The following MEGF6 variants were observed in gnomAD, a reference collection of about 807,000 sequenced individuals.
MEGF6 encodes multiple EGF like domains 6.
MEGF6 carries 184 observed loss-of-function variants against 207.1 expected under a neutral mutation model. The ratio of observed to expected loss-of-function variants is 0.89; its 90% CI spans 0.79 to 1.00. MEGF6 has a LOEUF of 1.00. Among genes scored for constraint, MEGF6 ranks in the 50% least tolerant of loss-of-function variants. The pLI is 0.00. For missense variants in MEGF6, 2,282 were observed against 2,202.9 expected (o/e 1.04, Z -0.72); for synonymous variants, 1,038 against 910.0 (o/e 1.14, Z -2.53).
chr1:3,610,878 C>T (rs567381544), intron 1 of MEGF6, among the ~76,000 whole-genome samples: 1 of 152,084 alleles, frequency 6.6e-6, no homozygotes, highest in East Asian at 1.9e-4. Flanking sequence ...TCTGCCTGAG[C>T]CTGCAGGACC....
chr1:3,500,883 C>T (rs1640830314), intron 20 of MEGF6, 83 bp downstream of exon 20: 5 of 1,601,470 alleles, frequency 3.1e-6, no homozygotes, highest in Non-Finnish European at 2.6e-6. Flanking sequence ...GCCCCTAGTC[C>T]TCGGGGGCCC....
Position 3,568,922 on chromosome 1 carries a change from C to T in MEGF6, c.481+10903G>A, listed in dbSNP as rs565539819. Among the ~76,000 whole-genome samples the T allele has an allele frequency of 3.5e-4, 54 of 152,324 alleles. 1 individual carries two copies. The highest frequency in any genetic ancestry group is 7.1e-4 in the Non-Finnish European group (48 of 68,030). On this transcript the variant is annotated intron_variant, in intron 4 of 36. Coordinates refer to ENST00000356575, the MANE Select transcript of MEGF6 (RefSeq NM_001409.4). ...CATGCAGCTTGGCCTAGCCTCTCTA[C>T]CCAGAAAAGAACATGCCAAACCCTC...
upstream of MEGF6, among the ~76,000 whole-genome samples, chr1:3,615,866 G>GA (rs2101928749): frequency 6.6e-6 from 1 of 152,356 alleles, no homozygotes; most frequent in Non-Finnish European, 1.5e-5. Context: ...GTTACACGCA[G>GA]AACTGGGCTT....
At chr1:3,543,691 G>C (rs1160121394) in intron 4 of MEGF6, among the ~76,000 whole-genome samples, 1 of 152,236 alleles carries the variant, frequency 6.6e-6, no homozygotes, top group African/African-American at 2.4e-5. Context: ...CTGGCCCCGG[G>C]TCATCCGGTC....
chr1:3,555,336 G>C lies in MEGF6; in HGVS notation c.481+24489C>G, dbSNP rs375215182. Among the ~76,000 whole-genome samples, 5 of 152,330 alleles carry C rather than the reference G, an allele frequency of 3.3e-5. No homozygotes were observed. In the East Asian group the frequency reaches 9.7e-4, roughly 30 times the overall value. ...GCCAGGTGCCCAAAGGCAGGGCAGA[G>C]GCCCTGAGGGCCAGGTTCCAGGCTG... is the stretch of plus-strand genomic sequence containing the variant. On this transcript the variant is annotated intron_variant, in intron 4 of 36. Coordinates refer to ENST00000356575, the MANE Select transcript of MEGF6 (RefSeq NM_001409.4).
At position 3,547,916 on chromosome 1, in the gene MEGF6, C is replaced by A. The variant is rs1181842126; in HGVS notation, c.482-23670G>T. On this transcript the variant is annotated intron_variant, in intron 4 of 36. Transcript: ENST00000356575. ...AGGAGCATCGAGGGAAGAAGGGAATCAAGTGACCTGCCTTGAGAAGGTGTG... is the reference window on the plus strand; with the variant it reads ...AGGAGCATCGAGGGAAGAAGGGAATAAAGTGACCTGCCTTGAGAAGGTGTG... Among the ~76,000 whole-genome samples the A allele has an allele frequency of 3.3e-5, 5 of 152,218 alleles. No individual in the cohort carries two copies. In the South Asian group the frequency reaches 1.0e-3, roughly 32 times the overall value.
At chr1:3,575,777 G>A (rs1557788216) in intron 4 of MEGF6, among the ~76,000 whole-genome samples, 1 of 152,130 alleles carries the variant, frequency 6.6e-6, no homozygotes, top group Non-Finnish European at 1.5e-5. Context: ...ACCTTCCACT[G>A]GGTCCCTCCC....
intron 5 of MEGF6, among the ~76,000 whole-genome samples, chr1:3,520,166 AG>A (rs1300926448): frequency 6.6e-6 from 1 of 152,220 alleles, no homozygotes; most frequent in Non-Finnish European, 1.5e-5. Flanking sequence ...GCCCTCAGAC[AG>A]GGCCCAGGAG....
At chr1:3,567,339 C>T (rs1377673174) in intron 4 of MEGF6, among the ~76,000 whole-genome samples, 4 of 152,244 alleles carry the variant, frequency 2.6e-5, no homozygotes, top group Admixed American at 2.6e-4. Flanking sequence ...CCAGGCCCTG[C>T]CTCCTCGCCT....
chr1:3,557,556 G>A (rs147311240), intron 4 of MEGF6, among the ~76,000 whole-genome samples: 232 of 152,322 alleles, frequency 1.5e-3, no homozygotes, highest in African/African-American at 5.2e-3. Flanking sequence ...GCCAGCCTGC[G>A]GTAGCCAGAA....
intron 4 of MEGF6, among the ~76,000 whole-genome samples, chr1:3,537,943 G>T (rs1007405307): frequency 2.0e-5 from 3 of 152,170 alleles, no homozygotes; most frequent in African/African-American, 7.2e-5. Flanking sequence ...GCCACCCAGA[G>T]CAGCAAGGGG....
At chr1:3,623,353 T>C in the MEGF6 span, 1 of 152,498 alleles carries the variant, frequency 6.6e-6, no homozygotes, top group East Asian at 1.9e-4. Context: ...CCAGCACCTG[T>C]TGGATCCGCG....
Position 3,570,615 on chromosome 1 carries a change from G to C in MEGF6, c.481+9210C>G, listed in dbSNP as rs551297644. ...CCGCCGGGGCACACCCGCTGCTCCA[G>C]CCCTGCTCAGCAGACAACCACTGCA... On this transcript the variant is annotated intron_variant, in intron 4 of 36. Coordinates refer to ENST00000356575, the MANE Select transcript of MEGF6 (RefSeq NM_001409.4). Among the ~76,000 whole-genome samples, 175 of 152,268 alleles carry C rather than the reference G, an allele frequency of 1.1e-3. 1 individual carries two copies. The highest frequency in any genetic ancestry group is 4.1e-3 in the African/African-American group (172 of 41,554).
intron 12 of MEGF6, 94 bp from the exon 13 acceptor site, chr1:3,508,783 C>T (rs1431097521): frequency 1.4e-6 from 2 of 1,478,320 alleles, no homozygotes; most frequent in Middle Eastern, 1.9e-4. Context: ...AGGGAAGGGG[C>T]ATAAGGGGCA....
chr1:3,496,737 C>G lies in MEGF6; in HGVS notation c.3660G>C (p.Gly1220=), dbSNP rs529406417. Residue 1220 remains glycine, a synonymous_variant, in exon 29 of 37, where the codon GGG becomes GGC. Transcript: ENST00000356575. ...CATCACAGGAGCCCCCGTTGAGACA[C>G]CCACACAGCTGTTCACAGCCTGGCC... The part of the protein sequence containing the change: ...RYGPGCEQLC[G]CLNGGSCDAA... The G allele has an allele frequency of 6.4e-7, 1 of 1,559,654 alleles. No homozygotes were observed. The highest frequency in any genetic ancestry group is 8.7e-7 in the Non-Finnish European group (1 of 1,152,480).
intron 5 of MEGF6, among the ~76,000 whole-genome samples, chr1:3,516,292 G>C (rs1041539922): frequency 2.6e-5 from 4 of 152,244 alleles, no homozygotes; most frequent in South Asian, 2.1e-4. Context: ...GTGGGCACTG[G>C]ACCTCTGCCA....
chr1:3,575,876 G>A (rs765726893), intron 4 of MEGF6, among the ~76,000 whole-genome samples: 4 of 152,184 alleles, frequency 2.6e-5, no homozygotes, highest in African/African-American at 9.7e-5. Flanking sequence ...GTCTGCACCT[G>A]AGCCATCACA....
intron 12 of MEGF6, 39 bp from the exon 13 acceptor site, chr1:3,508,728 C>A (rs375110731): frequency 1.0e-5 from 16 of 1,604,786 alleles, no homozygotes; most frequent in East Asian, 2.2e-5. Context: ...AGAGCCTGAC[C>A]CCTGGCCTCA....
At chr1:3,615,359 T>C (rs1483579810), upstream of MEGF6, among the ~76,000 whole-genome samples, 1 of 152,222 alleles carries the variant, frequency 6.6e-6, no homozygotes, top group Non-Finnish European at 1.5e-5. Flanking sequence ...TAGAACCCGC[T>C]GGTCCCATGG....
Sources: allele counts gnomAD v4.1 joint callset (sites outside exome capture counted in the v4.1 genomes callset), GRCh38; gene constraint gnomAD v4.1.1; transcripts MANE v1.5; gene names NCBI Gene and HGNC (gene_info 2026-07-23, HGNC 2026-07-21).